The following MXI1 variants were observed in gnomAD, a reference collection of about 807,000 sequenced individuals.
MXI1 encodes max-interacting protein 1.
A neutral mutation model predicts 36.9 loss-of-function variants in MXI1; 18 were observed. The ratio of observed to expected loss-of-function variants is 0.49; its 90% confidence interval spans 0.34 to 0.72. MXI1 has a LOEUF of 0.72. Ranked by LOEUF, MXI1 falls within the 30% of genes least tolerant of loss-of-function variation. MXI1 has a pLI of 0.01. For missense variants in MXI1, 304 were observed against 379.1 expected (o/e 0.80, Z 1.64); for synonymous variants, 160 against 146.7 (o/e 1.09, Z -0.65).
intron 3 of MXI1, 50 bp from the exon 4 acceptor site, chr10:110,279,130 T>A (rs370384475): frequency 5.4e-5 from 73 of 1,347,630 alleles, no homozygotes; most frequent in Non-Finnish European, 7.5e-5. Context: ...TTTATGATAT[T>A]TCTAGTGAAA....
rs1854646517 is a variant in MXI1, at chr10:110,216,665, G to GTTTTTTTTTTTTTTGTTTTTT, written c.274+8597_274+8598insGTTTTTTTTTTTTTTTTTTTT. Reference sequence around the variant, plus strand: ...CCTGTCTCCCCTATCTGTGTTTAATGTTTTTTTTTTTTTTTTTTTTGGAGA... The same window carrying GTTTTTTTTTTTTTTGTTTTTT: ...CCTGTCTCCCCTATCTGTGTTTAATGTTTTTTTTTTTTTTGTTTTTTTTTTTTTTTTTTTTTTTTTTGGAGA... On this transcript the variant is annotated intron_variant, in intron 1 of 5. Transcript: ENST00000332674. Among the ~76,000 whole-genome samples the GTTTTTTTTTTTTTTGTTTTTT allele has an allele frequency of 7.6e-5, 6 of 79,060 alleles. 1 individual carries two copies. Among genetic ancestry groups the GTTTTTTTTTTTTTTGTTTTTT allele is most frequent in the African/African-American group, 4.8e-4 (6 of 12,576 alleles). 51.9% of individuals were successfully genotyped at this position (79,060 alleles called of 152,430 possible). A position where few individuals can be genotyped will look rare whatever the true frequency, so the allele number is the denominator to read the frequency against.
At chr10:110,210,227 A>C in intron 1 of MXI1, 1 of 984,042 alleles carries the variant, frequency 1.0e-6, no homozygotes. Flanking sequence ...GCTTCCTCCC[A>C]GCCCATCGCC....
At chr10:110,245,881 A>G (rs1243264151) in intron 3 of MXI1, 2 of 152,156 alleles carry the variant, frequency 1.3e-5, no homozygotes, top group African/African-American at 2.4e-5. Flanking sequence ...GAATGGAGTC[A>G]ATAGAAATTG....
At chr10:110,279,467 AT>A (rs1371143487) in intron 4 of MXI1, among the ~76,000 whole-genome samples, 173 bp downstream of exon 4, 2 of 152,246 alleles carry the variant, frequency 1.3e-5, no homozygotes, top group African/African-American at 4.8e-5. Flanking sequence ...ACATAACCTG[AT>A]TAAACTAAAT....
Position 110,207,936 on chromosome 10 carries a change from C to T in MXI1, c.128C>T (p.Ala43Val). 1 of 1,572,134 alleles carries T rather than the reference C, an allele frequency of 6.4e-7. No homozygotes were observed. The highest frequency in any genetic ancestry group is 8.6e-7 in the Non-Finnish European group (1 of 1,160,916). ...PQPPALPEDP[A>V]GAKPRCPFSD... Reference sequence around the variant, plus strand: ...CCCCCGGCCCTGCCCGAGGACCCCGCTGGGGCCAAGCCCAGGTGCCCCTTC... The same window carrying T: ...CCCCCGGCCCTGCCCGAGGACCCCGTTGGGGCCAAGCCCAGGTGCCCCTTC... Residue 43 changes from alanine (A) to valine (V), a missense_variant, in exon 1 of 6, where the codon GCT (alanine) becomes GTT (valine). Physicochemically the swap from Ala to Val is moderately conservative, Grantham distance 64 (BLOSUM62 0). Around this residue, in one of 2 missense-constraint regions of MXI1, gnomAD observed 179 missense variants for 184.8 expected, o/e 0.97. Transcript: ENST00000332674.
intron 2 of MXI1, 54 bp from the exon 3 acceptor site, chr10:110,244,774 T>C: frequency 2.7e-6 from 4 of 1,481,478 alleles, no homozygotes; most frequent in Non-Finnish European, 3.7e-6. Flanking sequence ...TCTGTCTTTC[T>C]ATAGCTTTAG....
chr10:110,225,186 G>A (rs1854922900), intron 1 of MXI1, among the ~76,000 whole-genome samples: 1 of 152,174 alleles, frequency 6.6e-6, no homozygotes, highest in Admixed American at 6.5e-5. Flanking sequence ...CCTGGCACAT[G>A]GCACGCCCTC....
At chr10:110,215,116 AC>A (rs1344895872) in intron 1 of MXI1, among the ~76,000 whole-genome samples, 3 of 140,616 alleles carry the variant, frequency 2.1e-5, no homozygotes, top group African/African-American at 8.1e-5. Flanking sequence ...ATCTCAGCTC[AC>A]TGCAACCTCC....
At chr10:110,224,020 A>C (rs184422360) in intron 1 of MXI1, among the ~76,000 whole-genome samples, 1 of 152,172 alleles carries the variant, frequency 6.6e-6, no homozygotes, top group Non-Finnish European at 1.5e-5. Context: ...AAAGAAAACA[A>C]AAGGTATGAG....
chr10:110,282,019 C>T (rs971101578), intron 5 of MXI1, among the ~76,000 whole-genome samples: 7 of 152,064 alleles, frequency 4.6e-5, no homozygotes, highest in Non-Finnish European at 7.4e-5. Context: ...CTGTTTTTCT[C>T]CTATAAACAT....
intron 1 of MXI1, among the ~76,000 whole-genome samples, chr10:110,217,364 G>T (rs1042925578): frequency 6.6e-6 from 1 of 152,198 alleles, no homozygotes; most frequent in Non-Finnish European, 1.5e-5. Flanking sequence ...CCATTAGCAA[G>T]GATACTTGAA....
chr10:110,229,555 A>G (rs1193221677), intron 2 of MXI1, among the ~76,000 whole-genome samples: 2 of 152,190 alleles, frequency 1.3e-5, no homozygotes, highest in African/African-American at 2.4e-5. Context: ...TGACTTCTCT[A>G]TAGAGCTGCA....
At chr10:110,283,464 C>T (rs1857331815) in intron 5 of MXI1, among the ~76,000 whole-genome samples, 1 of 152,042 alleles carries the variant, frequency 6.6e-6, no homozygotes, top group African/African-American at 2.4e-5. Context: ...CGGGGTTTCA[C>T]CATATTGGTC....
chr10:110,270,335 C>T (rs1470100670), intron 3 of MXI1, among the ~76,000 whole-genome samples: 1 of 152,068 alleles, frequency 6.6e-6, no homozygotes, highest in Non-Finnish European at 1.5e-5. Flanking sequence ...AAATTTAGCA[C>T]AGAATGGATG....
At chr10:110,216,665 GTTTTTTTTTTT>G (rs10656872) in intron 1 of MXI1, among the ~76,000 whole-genome samples, 1 of 79,060 alleles carries the variant, frequency 1.3e-5, no homozygotes, top group Non-Finnish European at 2.0e-5. Flanking sequence ...TGTGTTTAAT[GTTTTTTTTTTT>G]TTTTTTTTTG....
At chr10:110,266,913 A>G (rs1856693041) in intron 3 of MXI1, among the ~76,000 whole-genome samples, 1 of 152,188 alleles carries the variant, frequency 6.6e-6, no homozygotes, top group African/African-American at 2.4e-5. Context: ...TTGATAGGGG[A>G]TTTTATGCCA....
intron 1 of MXI1, among the ~76,000 whole-genome samples, chr10:110,210,743 C>T (rs1398181452): frequency 6.6e-6 from 1 of 152,248 alleles, no homozygotes; most frequent in Non-Finnish European, 1.5e-5. Context: ...GCGCTGGCGG[C>T]GCTCGTCGTT....
At chr10:110,226,249 G>A in intron 1 of MXI1, 3 of 1,503,038 alleles carry the variant, frequency 2.0e-6, no homozygotes, top group Non-Finnish European at 2.7e-6. Context: ...AGCGTCTGCT[G>A]GAGGCTGCCG....
intron 2 of MXI1, among the ~76,000 whole-genome samples, chr10:110,240,279 G>GT (rs1855624579): frequency 6.6e-6 from 1 of 151,976 alleles, no homozygotes; most frequent in African/African-American, 2.4e-5. Flanking sequence ...GTATATGCCT[G>GT]TAAGTGGAAA....
Sources: allele counts gnomAD v4.1 joint callset (sites outside exome capture counted in the v4.1 genomes callset), GRCh38; gene constraint gnomAD v4.1.1; regional missense constraint gnomAD v4.1.1; transcripts MANE v1.5; gene names NCBI Gene and HGNC (gene_info 2026-07-23, HGNC 2026-07-21).